Variants in CNTNAP5 observed in about 807,000 individuals in gnomAD.
CNTNAP5 encodes the protein contactin-associated protein-like 5.
In CNTNAP5, 72 loss-of-function variants were observed where a neutral mutation model predicts 150.2. The ratio of observed to expected loss-of-function variants is 0.48; its 90% CI spans 0.40 to 0.58. The LOEUF is 0.58. CNTNAP5 is among the 20% of genes least tolerant of loss of function. The probability of loss-of-function intolerance (pLI) is 0.00; values close to 1 mark genes in which losing one functional copy is unlikely to be tolerated. For synonymous variants in CNTNAP5, 672 were observed against 619.8 expected, an observed-to-expected ratio of 1.08 and a Z score of -1.25; for missense variants, 1,636 against 1,626.2, an observed-to-expected ratio of 1.01 and a Z score of -0.10.
chr2:124,209,931 T>C (rs1685964828), intron 1 of CNTNAP5, among the ~76,000 whole-genome samples: 1 of 152,182 alleles, frequency 6.6e-6, no homozygotes, highest in Non-Finnish European at 1.5e-5. Context: ...TGTGCGGGCA[T>C]TCAAGACAGA....
intron 12 of CNTNAP5, among the ~76,000 whole-genome samples, chr2:124,614,463 T>C (rs560725642): frequency 1.3e-5 from 2 of 152,290 alleles, no homozygotes; most frequent in East Asian, 3.9e-4. Flanking sequence ...TGGCCATTTT[T>C]ATGGTTATTT....
In CNTNAP5 at chr2:124,775,534, G is replaced by A. The variant is rs563579658; in HGVS notation, c.2752+2517G>A. On this transcript the variant is annotated intron_variant, in intron 17 of 23. Transcript: ENST00000682447. ...CATTGTAATCACTGACACAGCTGCC[G>A]TGGTCATGAGTGTTTCCTGAGTACC... 1.1e-3 allele frequency among the ~76,000 whole-genome samples: 161 copies of A among 152,270 alleles called. 1 individual carries two copies. Among genetic ancestry groups the A allele is most frequent in the Non-Finnish European group, 1.9e-3 (127 of 68,030 alleles).
chr2:124,591,258 A>G (rs1696674672), intron 11 of CNTNAP5, among the ~76,000 whole-genome samples: 1 of 152,132 alleles, frequency 6.6e-6, no homozygotes, highest in African/African-American at 2.4e-5. Context: ...CTTCTTCCCA[A>G]CAGAAAATGT....
chr2:124,230,716 G>C (rs1446530771), intron 2 of CNTNAP5, among the ~76,000 whole-genome samples: 1 of 151,836 alleles, frequency 6.6e-6, no homozygotes, highest in African/African-American at 2.4e-5. Flanking sequence ...ATTTTTAGTA[G>C]AGACAGGGTT....
At chr2:124,057,721 T>G (rs908467509) in intron 1 of CNTNAP5, among the ~76,000 whole-genome samples, 6 of 151,116 alleles carry the variant, frequency 4.0e-5, no homozygotes, top group African/African-American at 1.5e-4. Flanking sequence ...GAATGAATCT[T>G]TTAATGGATA....
chr2:124,109,306 G>A (rs944014632), intron 1 of CNTNAP5, among the ~76,000 whole-genome samples: 12 of 152,096 alleles, frequency 7.9e-5, no homozygotes, highest in East Asian at 1.9e-4. Context: ...ACCCCACTCA[G>A]CCCTCACCTC....
At chr2:124,891,269 C>T (rs1263472907) in intron 21 of CNTNAP5, among the ~76,000 whole-genome samples, 1 of 152,020 alleles carries the variant, frequency 6.6e-6, no homozygotes, top group African/African-American at 2.4e-5. Context: ...GCTCAGTTGG[C>T]CTTTCTTGCT....
chr2:124,071,065 A>G (rs1033303487), intron 1 of CNTNAP5, among the ~76,000 whole-genome samples: 9 of 152,012 alleles, frequency 5.9e-5, no homozygotes, highest in Non-Finnish European at 7.4e-5. Flanking sequence ...AAACACATGG[A>G]AGTAAAACAA....
chr2:124,152,506 G>A (rs543926127), intron 1 of CNTNAP5, among the ~76,000 whole-genome samples: 4 of 152,196 alleles, frequency 2.6e-5, no homozygotes, highest in Admixed American at 6.5e-5. Flanking sequence ...TTCCTCTTAC[G>A]CACCAGAATG....
intron 4 of CNTNAP5, among the ~76,000 whole-genome samples, chr2:124,425,147 TTGACCGTGACTCCCCTC>T (rs1419609948): frequency 5.9e-5 from 9 of 152,328 alleles, no homozygotes; most frequent in African/African-American, 2.2e-4. Flanking sequence ...ACTGGAGTGA[TTGACCGTGACTCCCCTC>T]TGCCTCCTAG....
chr2:124,510,301 C>CTATATATATATATATATATATCTA (rs368230554), intron 8 of CNTNAP5, among the ~76,000 whole-genome samples: 1 of 106,054 alleles, frequency 9.4e-6, no homozygotes, highest in African/African-American at 3.8e-5. Flanking sequence ...ATCTATATAT[C>CTATATATATATATATATATATCTA]TATATATATA....
chr2:124,829,779 T>C (rs1682674222), intron 19 of CNTNAP5, among the ~76,000 whole-genome samples: 1 of 151,922 alleles, frequency 6.6e-6, no homozygotes, highest in African/African-American at 2.4e-5. Flanking sequence ...CTGTGGATGA[T>C]GAAAACTTTG....
At position 124,211,376 on chromosome 2, in the gene CNTNAP5, A is replaced by G. The variant is rs369013687; in HGVS notation, c.83-10329A>G. 7.2e-5 allele frequency among the ~76,000 whole-genome samples: 11 copies of G among 152,328 alleles called. No homozygotes were observed. In the East Asian group the frequency reaches 1.9e-3, roughly 27 times the overall value. On this transcript the variant is annotated intron_variant, in intron 1 of 23. Coordinates refer to ENST00000682447, the MANE Select transcript of CNTNAP5 (RefSeq NM_001367498.1). ...TTTTGTTCTCACAACAAGCCTGTGTATAGTTATCATCCCCATTACATGTAG... is the reference window on the plus strand; with the variant it reads ...TTTTGTTCTCACAACAAGCCTGTGTGTAGTTATCATCCCCATTACATGTAG...
chr2:124,488,839 C>T (rs934671848), intron 7 of CNTNAP5, among the ~76,000 whole-genome samples: 15 of 152,152 alleles, frequency 9.9e-5, no homozygotes, highest in East Asian at 1.9e-4. Context: ...CTAAAGATCT[C>T]CATATACACT....
chr2:124,211,165 TAAAG>T (rs1347941547), intron 1 of CNTNAP5, among the ~76,000 whole-genome samples: 1 of 152,156 alleles, frequency 6.6e-6, no homozygotes, highest in Non-Finnish European at 1.5e-5. Flanking sequence ...GAACAGATGA[TAAAG>T]AAAGTGCTAA....
At chr2:124,804,780 A>G (rs1328164932) in intron 19 of CNTNAP5, among the ~76,000 whole-genome samples, 1 of 152,224 alleles carries the variant, frequency 6.6e-6, no homozygotes, top group Non-Finnish European at 1.5e-5. Context: ...TCAGTCTATG[A>G]CATTTTATTG....
At chr2:124,864,239 TATA>T (rs745383850) in intron 19 of CNTNAP5, among the ~76,000 whole-genome samples, 40 of 152,338 alleles carry the variant, frequency 2.6e-4, no homozygotes, top group Non-Finnish European at 5.3e-4. Context: ...TTAATTGACA[TATA>T]ATACTTGTAT....
intron 17 of CNTNAP5, among the ~76,000 whole-genome samples, chr2:124,775,697 A>AT (rs1377342444): frequency 6.6e-6 from 1 of 152,170 alleles, no homozygotes; most frequent in East Asian, 1.9e-4. Flanking sequence ...TCAGGCTGTT[A>AT]TATCACCATG....
intron 10 of CNTNAP5, among the ~76,000 whole-genome samples, chr2:124,545,982 C>T (rs1695502996): frequency 6.6e-6 from 1 of 152,034 alleles, no homozygotes; most frequent in Non-Finnish European, 1.5e-5. Context: ...CAACTGATAG[C>T]TTCAAACTTT....
Sources: gnomAD v4.1 joint callset for allele counts (sites outside exome capture counted in the v4.1 genomes callset) on GRCh38, gnomAD v4.1.1 for gene constraint, MANE v1.5 for transcripts, NCBI Gene and HGNC (gene_info 2026-07-23, HGNC 2026-07-21) for gene names.